PROM1: variants seen among roughly 807,000 people sequenced by gnomAD.
PROM1 encodes the protein prominin 1, also known as prominin-1.
Under a neutral mutation model 116.9 loss-of-function variants are expected in PROM1, and 105 were observed. The observed-to-expected ratio is 0.90, with a 90% CI of 0.77 to 1.06. The LOEUF is 1.06. Ranked by LOEUF, PROM1 falls within the 50% of genes least tolerant of loss-of-function variation. PROM1 has a pLI of 0.00. For synonymous variants in PROM1, 393 were observed against 387.0 expected, an observed-to-expected ratio of 1.02 and a Z score of -0.18; for missense variants, 1,122 against 1,045.2, an observed-to-expected ratio of 1.07 and a Z score of -1.01.
chr4:15,997,336 C>T (rs1485676500), intron 15 of PROM1, among the ~76,000 whole-genome samples: 2 of 140,464 alleles, frequency 1.4e-5, no homozygotes, highest in Non-Finnish European at 3.1e-5. Context: ...ATATGAAATG[C>T]ATTTCTCTTA....
intron 2 of PROM1, among the ~76,000 whole-genome samples, chr4:16,059,841 A>AAT (rs1465943945): frequency 6.6e-6 from 1 of 152,228 alleles, no homozygotes; most frequent in Non-Finnish European, 1.5e-5. Flanking sequence ...ATTGATAAAT[A>AAT]ATAAACTACC....
intron 9 of PROM1, among the ~76,000 whole-genome samples, chr4:16,016,493 C>A (rs139896007): frequency 7.3e-4 from 111 of 152,236 alleles, no homozygotes; most frequent in South Asian, 1.2e-3. Flanking sequence ...AAATGTAACA[C>A]AAATGTAATA....
intron 27 of PROM1, among the ~76,000 whole-genome samples, chr4:15,969,663 T>G (rs1713899424): frequency 1.3e-5 from 2 of 152,174 alleles, no homozygotes; most frequent in East Asian, 3.9e-4. Flanking sequence ...CTCAGCTCAC[T>G]GCAACCTCCG....
At position 15,990,727 on chromosome 4, in the gene PROM1, C is replaced by G. The variant is rs137996710; in HGVS notation, c.1983+495G>C. Among the ~76,000 whole-genome samples, 372 of 152,328 alleles carry G rather than the reference C, an allele frequency of 2.4e-3. 3 individuals carry two copies. Among genetic ancestry groups the G allele is most frequent in the Non-Finnish European group, 3.3e-3 (222 of 68,032 alleles). ...CCAGAAAGAGGAGCCCAAAGCACCT[C>G]TCCCTGTCCATCACCATAAGGCATG... On this transcript the variant is annotated intron_variant, in intron 18 of 27. Coordinates refer to ENST00000447510, the MANE Select transcript of PROM1 (RefSeq NM_006017.3).
intron 23 of PROM1, 29 bp downstream of exon 23, chr4:15,984,234 G>C: frequency 6.7e-7 from 1 of 1,485,564 alleles, no homozygotes. Context: ...TGGATTCATT[G>C]TGTCTTCTTT....
chr4:15,998,572 A>G, intron 14 of PROM1, 84 bp from the exon 15 acceptor site: 3 of 1,301,096 alleles, frequency 2.3e-6, no homozygotes, highest in East Asian at 3.1e-5. Context: ...ATTCTGTTGA[A>G]TGTATTTTGG....
At chr4:16,032,188 G>A (rs1370698516) in intron 5 of PROM1, among the ~76,000 whole-genome samples, 1 of 150,744 alleles carries the variant, frequency 6.6e-6, no homozygotes, top group African/African-American at 2.5e-5. Flanking sequence ...TTCTACACAT[G>A]GTCTGCAACC....
At chr4:15,991,103 G>T in intron 18 of PROM1, 119 bp downstream of exon 18, 1 of 764,774 alleles carries the variant, frequency 1.3e-6, no homozygotes, top group Non-Finnish European at 2.1e-6. Context: ...CAAGAGAGGT[G>T]TTTATGAACA....
chr4:15,997,272 T>G (rs1476461292), intron 15 of PROM1, among the ~76,000 whole-genome samples: 1 of 138,762 alleles, frequency 7.2e-6, no homozygotes, highest in African/African-American at 2.7e-5. Flanking sequence ...GAAATATATA[T>G]TCGTTCATTC....
chr4:16,064,897 A>AAAAAG (rs1167477944), intron 2 of PROM1, among the ~76,000 whole-genome samples: 1 of 152,184 alleles, frequency 6.6e-6, no homozygotes, highest in Non-Finnish European at 1.5e-5. Flanking sequence ...CCATCTCAAA[A>AAAAAG]AAAAGAAAAG....
At chr4:16,077,700 C>T (rs2149596046) in intron 1 of PROM1, among the ~76,000 whole-genome samples, 1 of 152,288 alleles carries the variant, frequency 6.6e-6, no homozygotes, top group Non-Finnish European at 1.5e-5. Flanking sequence ...ACTATGACAT[C>T]AAGACACTGT....
chr4:16,008,233 T>C (rs1027791321), intron 12 of PROM1, among the ~76,000 whole-genome samples: 9 of 152,204 alleles, frequency 5.9e-5, no homozygotes, highest in African/African-American at 2.2e-4. Context: ...GAGAGAGAAG[T>C]GCATCTTACC....
chr4:16,075,975 G>A lies in PROM1; in HGVS notation c.-69C>T. On this transcript the variant is annotated 5_prime_UTR_variant, in exon 2 of 28. Coordinates refer to ENST00000447510, the MANE Select transcript of PROM1 (RefSeq NM_006017.3). ...CTGCCTCAGAGCTTCTGGAAGCCTT[G>A]GGGAAGGCAAGCGTGTTCCTGGGCA... 2.7e-6 allele frequency: 4 copies of A among 1,495,088 alleles called. No homozygotes were observed. The highest frequency in any genetic ancestry group is 3.6e-6 in the Non-Finnish European group (4 of 1,120,120). The allele number at this position is 1,495,088 out of a possible 1,614,324, so 92.6% of individuals were successfully genotyped here.
chr4:16,047,161 C>A (rs1351162910), intron 2 of PROM1, among the ~76,000 whole-genome samples: 1 of 152,128 alleles, frequency 6.6e-6, no homozygotes, highest in Non-Finnish European at 1.5e-5. Flanking sequence ...CCTCTTGAGG[C>A]CTTTCAACTG....
At chr4:16,024,896 C>T (rs2240680) in intron 6 of PROM1, among the ~76,000 whole-genome samples, 135,873 of 152,266 alleles carry the variant, frequency 0.89, 60,920 homozygotes, top group Middle Eastern at 0.94. Context: ...CAAAAACTTT[C>T]ATTTTTTTAA....
chr4:15,999,537 T>C (rs1723208078), intron 14 of PROM1, among the ~76,000 whole-genome samples: 1 of 152,078 alleles, frequency 6.6e-6, no homozygotes, highest in Non-Finnish European at 1.5e-5. Flanking sequence ...GGCAAATCAA[T>C]GCATGACTGT....
chr4:16,000,997 C>T (rs1312899803), intron 13 of PROM1, among the ~76,000 whole-genome samples: 1 of 152,182 alleles, frequency 6.6e-6, no homozygotes, highest in Non-Finnish European at 1.5e-5. Context: ...GGAGCACAAC[C>T]CGACTTCTCT....
intron 19 of PROM1, among the ~76,000 whole-genome samples, chr4:15,989,304 G>A (rs1577868578): frequency 6.6e-6 from 1 of 152,104 alleles, no homozygotes; most frequent in Non-Finnish European, 1.5e-5. Context: ...TGGAAGAGAG[G>A]AGAGACGAAG....
intron 2 of PROM1, among the ~76,000 whole-genome samples, chr4:16,060,936 C>A (rs547856785): frequency 6.6e-6 from 1 of 152,194 alleles, no homozygotes; most frequent in Non-Finnish European, 1.5e-5. Context: ...CGGGTATACC[C>A]AGGAGCCCTT....
Sources: allele counts gnomAD v4.1 joint callset (sites outside exome capture counted in the v4.1 genomes callset), GRCh38; gene constraint gnomAD v4.1.1; transcripts MANE v1.5; gene names NCBI Gene and HGNC (gene_info 2026-07-23, HGNC 2026-07-21).